Variants in TMEM207 observed in about 807,000 individuals in gnomAD.
TMEM207 encodes the protein SRSR846.
TMEM207 carries 15 observed loss-of-function variants against 17.4 expected under a neutral mutation model. That is an observed-to-expected ratio of 0.86 (90% confidence interval 0.58 to 1.33). The LOEUF is 1.33. Ranked by LOEUF, TMEM207 falls within the 40% of genes most tolerant of loss-of-function variation. TMEM207 has a pLI of 0.00. For synonymous variants in TMEM207, 70 were observed against 65.6 expected, an observed-to-expected ratio of 1.07 and a Z score of -0.33; for missense variants, 205 against 173.8, an observed-to-expected ratio of 1.18 and a Z score of -1.01.
Position 190,428,974 on chromosome 3 carries a change from T to C in TMEM207, c.*621A>G, listed in dbSNP as rs1396129061. Reference sequence around the variant, plus strand: ...TTGGCATTATATGTGCTCTATATCTTCAGCAATCTCCTTCACCTTCTATCT... The same window carrying C: ...TTGGCATTATATGTGCTCTATATCTCCAGCAATCTCCTTCACCTTCTATCT... On this transcript the variant is annotated 3_prime_UTR_variant, in exon 5 of 5. Coordinates refer to ENST00000354905, the MANE Select transcript of TMEM207 (RefSeq NM_207316.3). The C allele has an allele frequency of 6.6e-6, 1 of 152,314 alleles. No homozygotes were observed. Among genetic ancestry groups the C allele is most frequent in the African/African-American group, 2.4e-5 (1 of 41,440 alleles). 9.4% of individuals were successfully genotyped at this position (152,314 alleles called of 1,614,324 possible). A position where few individuals can be genotyped will look rare whatever the true frequency, so the allele number is the denominator to read the frequency against.
intron 4 of TMEM207, among the ~76,000 whole-genome samples, chr3:190,431,194 C>A (rs1719684849): frequency 6.6e-6 from 1 of 151,948 alleles, no homozygotes; most frequent in Admixed American, 6.6e-5. Flanking sequence ...TACTTTTGGG[C>A]TATTACATAA....
intron 2 of TMEM207, 75 bp from the exon 3 acceptor site, chr3:190,441,557 G>A: frequency 1.7e-6 from 2 of 1,205,916 alleles, no homozygotes; most frequent in South Asian, 2.6e-5. Context: ...AATAAAATTG[G>A]TACTGATCAC....
intron 4 of TMEM207, among the ~76,000 whole-genome samples, chr3:190,433,331 A>G (rs1577442528): frequency 6.6e-6 from 1 of 152,292 alleles, no homozygotes; most frequent in South Asian, 2.1e-4. Context: ...AAATTAAAAT[A>G]AAAACAACCT....
At chr3:190,438,164 T>C (rs1185978341) in intron 4 of TMEM207, among the ~76,000 whole-genome samples, 3 of 151,582 alleles carry the variant, frequency 2.0e-5, no homozygotes, top group Admixed American at 6.6e-5. Context: ...AGTTAATGGG[T>C]GTAGCACACC....
rs1165573949 is a variant in TMEM207, at chr3:190,440,389, C to T, written c.159G>A (p.Trp53Ter). The T allele has an allele frequency of 6.2e-7, 1 of 1,608,350 alleles. No individual in the cohort carries two copies. The highest frequency in any genetic ancestry group is 2.2e-5 in the East Asian group (1 of 44,818). ...CCACCAAAACCAGCAGCAGGAGGAT[C>T]CTGACTCCAAAAGTAACCGAGAAAA... ...NDQHPNGWYI[W>*]ILLLLVLVAA... Residue 53 changes from tryptophan (W) to a stop codon, truncating the protein, a stop_gained and splice_region_variant, in exon 4 of 5, where the codon TGG becomes TGA. Coordinates refer to ENST00000354905, the MANE Select transcript of TMEM207 (RefSeq NM_207316.3). LOFTEE classifies it high-confidence loss of function.
chr3:190,435,151 T>C (rs1373222909), intron 4 of TMEM207, among the ~76,000 whole-genome samples: 2 of 152,182 alleles, frequency 1.3e-5, no homozygotes, highest in African/African-American at 4.8e-5. Flanking sequence ...CATAACAAAG[T>C]ACCACAGACT....
At chr3:190,439,172 GT>G (rs1719874071) in intron 4 of TMEM207, among the ~76,000 whole-genome samples, 1 of 99,000 alleles carries the variant, frequency 1.0e-5, no homozygotes, top group South Asian at 3.7e-4. Flanking sequence ...GCGAGACTCC[GT>G]CTCAAAAAAA....
At chr3:190,437,195 A>T (rs957539197) in intron 4 of TMEM207, among the ~76,000 whole-genome samples, 6 of 152,212 alleles carry the variant, frequency 3.9e-5, no homozygotes, top group Non-Finnish European at 7.3e-5. Flanking sequence ...ATCCTGGAGC[A>T]CAAGCCCTGC....
At chr3:190,445,053 A>G (rs1190457598) in intron 2 of TMEM207, among the ~76,000 whole-genome samples, 1 of 152,206 alleles carries the variant, frequency 6.6e-6, no homozygotes, top group Non-Finnish European at 1.5e-5. Context: ...TGTTGGATAT[A>G]CAATATAACT....
chr3:190,440,742 A>G (rs1030343271), intron 3 of TMEM207, among the ~76,000 whole-genome samples: 1 of 152,162 alleles, frequency 6.6e-6, no homozygotes, highest in Non-Finnish European at 1.5e-5. Flanking sequence ...AAGCAACTAC[A>G]CACACTTTAG....
chr3:190,444,713 T>C (rs1197213490), intron 2 of TMEM207, among the ~76,000 whole-genome samples: 1 of 152,138 alleles, frequency 6.6e-6, no homozygotes, highest in Non-Finnish European at 1.5e-5. Flanking sequence ...ATGAACAGCA[T>C]TACTCACCAG....
At chr3:190,447,966 G>T (rs1258486311) in intron 1 of TMEM207, 139 bp from the exon 2 acceptor site, 2 of 643,678 alleles carry the variant, frequency 3.1e-6, no homozygotes, top group Non-Finnish European at 4.8e-6. Flanking sequence ...AGAGTTTATT[G>T]TTGGTACACA....
At chr3:190,433,088 A>C (rs1315464774) in intron 4 of TMEM207, among the ~76,000 whole-genome samples, 1 of 152,134 alleles carries the variant, frequency 6.6e-6, no homozygotes, top group Non-Finnish European at 1.5e-5. Flanking sequence ...TGTTTTATTA[A>C]AAACATGGAC....
intron 4 of TMEM207, among the ~76,000 whole-genome samples, chr3:190,430,940 T>G (rs1294276200): frequency 6.6e-6 from 1 of 152,168 alleles, no homozygotes; most frequent in Non-Finnish European, 1.5e-5. Context: ...TAGTTGCATA[T>G]TAGGCATTAG....
At chr3:190,448,051 T>C (rs1163497169) in intron 1 of TMEM207, among the ~76,000 whole-genome samples, 1 of 152,218 alleles carries the variant, frequency 6.6e-6, no homozygotes, top group African/African-American at 2.4e-5. Flanking sequence ...GTGAACCAGA[T>C]TCCATTTCTA....
intron 4 of TMEM207, among the ~76,000 whole-genome samples, chr3:190,435,710 A>C (rs974901413): frequency 2.0e-5 from 3 of 152,232 alleles, no homozygotes; most frequent in Admixed American, 2.0e-4. Context: ...AAGGAAGACC[A>C]GTTATCTAAA....
At chr3:190,431,832 G>A (rs1719699731) in intron 4 of TMEM207, among the ~76,000 whole-genome samples, 1 of 152,122 alleles carries the variant, frequency 6.6e-6, no homozygotes, top group Non-Finnish European at 1.5e-5. Flanking sequence ...TGCTTTCGTA[G>A]AAAACTCATT....
chr3:190,439,118 A>C lies in TMEM207; in HGVS notation c.304+1126T>G, dbSNP rs373546206. ...CGTGAACCCGGGAGGGGGAGCTTGC[A>C]GTGAGCGGAGATCGCGCCACGGCAC... On this transcript the variant is annotated intron_variant, in intron 4 of 4. Transcript: ENST00000354905. Among the ~76,000 whole-genome samples the C allele has an allele frequency of 1.5e-4, 21 of 143,888 alleles. No homozygotes were observed. The East Asian group carries it at 3.7e-3, about 25-fold the overall frequency. The allele number at this position is 143,888 out of a possible 152,430, so 94.4% of individuals were successfully genotyped here. A position where few individuals can be genotyped will look rare whatever the true frequency, so the allele number is the denominator to read the frequency against.
chr3:190,436,670 T>C (rs980718081), intron 4 of TMEM207, among the ~76,000 whole-genome samples: 2 of 152,164 alleles, frequency 1.3e-5, no homozygotes, highest in African/African-American at 4.8e-5. Flanking sequence ...ATGATTTGTA[T>C]GGAGAAGTGA....
Sources: gnomAD v4.1 joint callset for allele counts (sites outside exome capture counted in the v4.1 genomes callset) on GRCh38, gnomAD v4.1.1 for gene constraint, MANE v1.5 for transcripts, NCBI Gene and HGNC (gene_info 2026-07-23, HGNC 2026-07-21) for gene names.